The following BRD3 variants were observed in gnomAD, a reference collection of about 807,000 sequenced individuals.
The protein encoded by BRD3 is bromodomain containing 3.
BRD3 carries 17 observed loss-of-function variants against 66.8 expected under a neutral mutation model. The observed-to-expected ratio is 0.25, with a 90% CI of 0.17 to 0.38. The LOEUF is 0.38. BRD3 is among the 10% of genes least tolerant of loss of function. The pLI, the probability that BRD3 is intolerant of heterozygous loss-of-function variation, is 1.00. For synonymous variants in BRD3, 421 were observed against 393.2 expected, an observed-to-expected ratio of 1.07 and a Z score of -0.84; for missense variants, 713 against 956.1, an observed-to-expected ratio of 0.75 and a Z score of 3.35.
At chr9:134,066,630 A>T (rs1336043539) in intron 1 of BRD3, among the ~76,000 whole-genome samples, 1 of 152,144 alleles carries the variant, frequency 6.6e-6, no homozygotes, top group Non-Finnish European at 1.5e-5. Context: ...GCAGGGTAAA[A>T]AGAAAACTCT....
chr9:134,051,867 G>T (rs1333524881), intron 3 of BRD3, among the ~76,000 whole-genome samples, 158 bp from the exon 4 acceptor site: 1 of 113,026 alleles, frequency 8.8e-6, no homozygotes, highest in African/African-American at 4.1e-5. Flanking sequence ...GTGTGTGTGT[G>T]TGTGTGTGTG....
chr9:134,033,834 T>A lies in BRD3; in HGVS notation c.2066-129A>T, dbSNP rs1005884430. 6.8e-6 allele frequency: 4 copies of A among 589,646 alleles called. No individual in the cohort carries two copies. Among genetic ancestry groups the A allele is most frequent in the Non-Finnish European group, 1.2e-5 (4 of 329,348 alleles). The allele number at this position is 589,646 out of a possible 1,614,324, so 36.5% of individuals were successfully genotyped here. ...ACCCACCCACTTCCTGACCCAGTCG[T>A]TTAATAAGTATTTATTGAAATTAAT... On this transcript the variant is annotated intron_variant, in intron 11 of 11. Coordinates refer to ENST00000303407, the MANE Select transcript of BRD3 (RefSeq NM_007371.4). The surrounding 1 kb of genome is among the most constrained non-coding windows in gnomAD (Gnocchi z 5.1).
chr9:134,050,285 TG>T, intron 5 of BRD3, 88 bp downstream of exon 5: 15 of 1,306,048 alleles, frequency 1.1e-5, no homozygotes, highest in Non-Finnish European at 1.6e-5. Context: ...CAGGGAAAGG[TG>T]GGGGCCCCCC....
At chr9:134,047,704 G>A (rs1397292845) in intron 6 of BRD3, among the ~76,000 whole-genome samples, 3 of 152,204 alleles carry the variant, frequency 2.0e-5, no homozygotes, top group African/African-American at 4.8e-5. Flanking sequence ...GCTGTGAGGC[G>A]CCTGTATCCG....
chr9:134,042,092 C>T (rs1256788869), intron 7 of BRD3, 141 bp from the exon 8 acceptor site: 6 of 997,236 alleles, frequency 6.0e-6, no homozygotes, highest in East Asian at 3.0e-5. Flanking sequence ...GACAGGGTCC[C>T]GCCTGCCTGG....
At position 134,050,506 on chromosome 9, in the gene BRD3, G is replaced by A. The variant is rs569050795; in HGVS notation, c.582C>T (p.Pro194=). ...TTGGTACAGGGGTGGCAGCGATGAC[G>A]GGCGTCTGGGAGACGGTGGGGGGCA... is the stretch of plus-strand genomic sequence containing the variant. The part of the protein sequence containing the change: ...QSVPPTVSQT[P]VIAATPVPTI... The change falls in exon 5 of 12, where the codon CCC becomes CCT. Residue 194 remains proline (P), a synonymous_variant. Transcript: ENST00000303407. The A allele has an allele frequency of 1.1e-5, 18 of 1,607,092 alleles. No individual in the cohort carries two copies. The highest frequency in any genetic ancestry group is 3.3e-5 in the South Asian group (3 of 90,380).
chr9:134,063,023 A>G (rs1830577234), intron 1 of BRD3, among the ~76,000 whole-genome samples: 1 of 152,210 alleles, frequency 6.6e-6, no homozygotes, highest in East Asian at 1.9e-4. Context: ...CGGCCTGACA[A>G]GAACCAAACT....
chr9:134,049,819 G>A (rs915442756), intron 5 of BRD3, among the ~76,000 whole-genome samples: 1 of 152,226 alleles, frequency 6.6e-6, no homozygotes, highest in Non-Finnish European at 1.5e-5. Flanking sequence ...CCTGCCCAAA[G>A]CAGGAGACTC....
In BRD3 at chr9:134,053,446, C is replaced by T. The variant is rs202086741; in HGVS notation, c.32G>A (p.Gly11Glu). The change falls in exon 2 of 12, where the codon GGG (glycine) becomes GAG (glutamate). Residue 11 changes from glycine to glutamate, a missense_variant. Around this residue, in one of 5 missense-constraint regions of BRD3, gnomAD observed 48 missense variants for 42.5 expected, o/e 1.13. Transcript: ENST00000303407. ...CACAGGGCCCGGGGTCGCCGGGATC[C>T]CCGCGGGGGCGACTGTCGTGGCGGT... MSTATTVAPA[G>E]IPATPGPVNP... 2.5e-6 allele frequency: 4 copies of T among 1,607,418 alleles called. No individual in the cohort carries two copies. Among genetic ancestry groups the T allele is most frequent in the Non-Finnish European group, 2.5e-6 (3 of 1,178,262 alleles).
intron 4 of BRD3, 134 bp from the exon 5 acceptor site, chr9:134,050,722 A>G (rs1319446195): frequency 4.4e-6 from 3 of 688,324 alleles, no homozygotes; most frequent in Admixed American, 5.4e-5. Flanking sequence ...AGAACCCTCC[A>G]TGCTGAGATG....
In BRD3 at chr9:134,033,583, A is replaced by G. The variant is rs768562282; in HGVS notation, c.*7T>C. ...CATCCATCTGTCCTGTTCTGTCCGA[A>G]GCCAGTTCATTCTGAGTCACTGCTG... On this transcript the variant is annotated 3_prime_UTR_variant, in exon 12 of 12. Transcript: ENST00000303407. The surrounding 1 kb of genome is among the most constrained non-coding windows in gnomAD (Gnocchi z 5.1). 4.0e-6 allele frequency: 3 copies of G among 755,332 alleles called. No homozygotes were observed. The highest frequency in any genetic ancestry group is 3.4e-5 in the African/African-American group (2 of 58,822). The allele number at this position is 755,332 out of a possible 1,614,324, so 46.8% of individuals were successfully genotyped here. A position where few individuals can be genotyped will look rare whatever the true frequency, so the allele number is the denominator to read the frequency against.
At chr9:134,042,155 C>A (rs560439765) in intron 7 of BRD3, among the ~76,000 whole-genome samples, 2 of 152,268 alleles carry the variant, frequency 1.3e-5, no homozygotes, top group African/African-American at 4.8e-5. Flanking sequence ...GCAATTCCTG[C>A]GGACAGGCCT....
intron 10 of BRD3, among the ~76,000 whole-genome samples, chr9:134,035,122 G>T (rs1843579597): frequency 6.6e-6 from 1 of 152,220 alleles, no homozygotes; most frequent in African/African-American, 2.4e-5. Flanking sequence ...CAGGTGCACG[G>T]ACAGGATGCG....
intron 1 of BRD3, among the ~76,000 whole-genome samples, chr9:134,063,508 C>T (rs1830586432): frequency 6.6e-6 from 1 of 152,202 alleles, no homozygotes; most frequent in Non-Finnish European, 1.5e-5. Context: ...GGAGGGCATC[C>T]TCTCAGCCGC....
rs538534503 is a variant in BRD3 at position 134,040,285 on chromosome 9, C to T, written c.1408-16G>A. ...CGGCCTTCAGCTGGAAAAGAGCGGG[C>T]GGCTGAGCAGGTGCTGGGCACGGCC... On this transcript the variant is annotated splice_polypyrimidine_tract_variant and intron_variant, in intron 8 of 11. Coordinates refer to ENST00000303407, the MANE Select transcript of BRD3 (RefSeq NM_007371.4). The T allele has an allele frequency of 1.8e-5, 28 of 1,585,516 alleles. No individual in the cohort carries two copies. The highest frequency in any genetic ancestry group is 2.3e-5 in the East Asian group (1 of 43,918).
rs2132432449 is a variant in BRD3, at chr9:134,053,268, C to T, written c.210G>A (p.Leu70=). 6.2e-7 allele frequency: 1 copy of T among 1,613,352 alleles called. No homozygotes were observed. Among genetic ancestry groups the T allele is most frequent in the Non-Finnish European group, 8.5e-7 (1 of 1,180,028 alleles). The change falls in exon 2 of 12, where the codon CTG becomes CTA. Residue 70 remains leucine, a synonymous_variant. Transcript: ENST00000303407. The part of the protein sequence containing the change: ...YQPVDAIKLN[L]PDYHKIIKNP... ...TGGGGAGGCAGCAGCTACGCACCGG[C>T]AGGTTCAATTTGATTGCGTCCACGG...
At chr9:134,055,120 C>A (rs1446485419) in intron 1 of BRD3, among the ~76,000 whole-genome samples, 1 of 152,174 alleles carries the variant, frequency 6.6e-6, no homozygotes. Context: ...CAGCCCCAGG[C>A]CAAAGCGTGG....
intron 1 of BRD3, among the ~76,000 whole-genome samples, chr9:134,064,575 T>C (rs1191444469): frequency 6.6e-6 from 1 of 151,990 alleles, no homozygotes; most frequent in East Asian, 1.9e-4. Context: ...CTCTCAAGCA[T>C]CTTGGCCGAG....
chr9:134,037,407 C>A (rs1829947977), intron 9 of BRD3, among the ~76,000 whole-genome samples: 1 of 152,048 alleles, frequency 6.6e-6, no homozygotes, highest in Non-Finnish European at 1.5e-5. Flanking sequence ...CCTGTCTCTA[C>A]TAAAAATACA....
Sources: allele counts gnomAD v4.1 joint callset (sites outside exome capture counted in the v4.1 genomes callset), GRCh38; gene constraint gnomAD v4.1.1; regional missense constraint gnomAD v4.1.1; non-coding constraint Gnocchi (gnomAD v3.1); transcripts MANE v1.5; gene names NCBI Gene and HGNC (gene_info 2026-07-23, HGNC 2026-07-21).